The following GGA2 variants were observed in gnomAD, a reference collection of about 807,000 sequenced individuals.
GGA2 encodes ADP-ribosylation factor-binding protein GGA2.
A neutral mutation model predicts 79.5 loss-of-function variants in GGA2; 48 were observed. The observed-to-expected ratio is 0.60, with a 90% CI of 0.48 to 0.77. GGA2 has a LOEUF of 0.77. Ranked by LOEUF, GGA2 falls within the 30% of genes least tolerant of loss-of-function variation. The probability of loss-of-function intolerance (pLI) is 0.00; values close to 1 mark genes in which losing one functional copy is unlikely to be tolerated. For missense variants in GGA2, 770 were observed against 774.0 expected (o/e 0.99, Z 0.06); for synonymous variants, 317 against 302.0 (o/e 1.05, Z -0.51).
At position 23,486,099 on chromosome 16, in the gene GGA2, C is replaced by A; in HGVS notation, c.714G>T (p.Val238=). Residue 238 remains valine (V), a synonymous_variant, in exon 8 of 17, where the codon GTG becomes GTT. Coordinates refer to ENST00000309859, the MANE Select transcript of GGA2 (RefSeq NM_015044.4). ...CCTGCAGCACCTTCACATGGCTTCG[C>A]ACTTCCTCCACCGCACTGACCCTCT... ...VSKRVSAVEE[V]RSHVKVLQEM... is the part of the protein sequence containing the mutation. The A allele has an allele frequency of 6.2e-7, 1 of 1,613,874 alleles. No homozygotes were observed. Among genetic ancestry groups the A allele is most frequent in the Non-Finnish European group, 8.5e-7 (1 of 1,179,716 alleles).
intron 11 of GGA2, 53 bp from the exon 12 acceptor site, chr16:23,478,964 G>A (rs778143675): frequency 3.4e-5 from 42 of 1,246,100 alleles, no homozygotes; most frequent in Non-Finnish European, 4.5e-5. Flanking sequence ...CCTGCTTCCA[G>A]ATGAAGAGTA....
chr16:23,519,759 C>A, intron 1 of GGA2: 1 of 220,276 alleles, frequency 4.5e-6, no homozygotes, highest in South Asian at 3.8e-5. Context: ...AGATTCCATT[C>A]TTTTGTGAGG....
rs1964409530 is a variant in GGA2, at chr16:23,464,481, C to G, written c.*3109G>C. 6.6e-6 allele frequency: 1 copy of G among 151,482 alleles called. No individual in the cohort carries two copies. The highest frequency in any genetic ancestry group is 6.6e-5 in the Admixed American group (1 of 15,194). The allele number at this position is 151,482 out of a possible 1,614,324, so 9.4% of individuals were successfully genotyped here. ...AGAATTTTTCACCCTGTCAGATGCT[C>G]AGATTTGCTAGAGAACTCTGGTAGT... On this transcript the variant is annotated 3_prime_UTR_variant, in exon 17 of 17. Transcript: ENST00000309859.
chr16:23,502,561 G>A (rs1964932055), intron 1 of GGA2, among the ~76,000 whole-genome samples: 1 of 152,204 alleles, frequency 6.6e-6, no homozygotes, highest in Admixed American at 6.5e-5. Context: ...CTAACACAGG[G>A]ACACACTGCA....
rs1596971181 is a variant in GGA2 at position 23,465,542 on chromosome 16, T to C, written c.*2048A>G. ...CTATAGGGGAGAAAGCCTGTCTTTATGTATAAGTCTCATTCACCCATTTTG... is the reference window on the plus strand; with the variant it reads ...CTATAGGGGAGAAAGCCTGTCTTTACGTATAAGTCTCATTCACCCATTTTG... On this transcript the variant is annotated 3_prime_UTR_variant, in exon 17 of 17. Coordinates refer to ENST00000309859, the MANE Select transcript of GGA2 (RefSeq NM_015044.4). 1.6e-6 allele frequency: 1 copy of C among 631,648 alleles called. No individual in the cohort carries two copies. The highest frequency in any genetic ancestry group is 2.8e-6 in the Non-Finnish European group (1 of 351,322). The allele number at this position is 631,648 out of a possible 1,614,324, so 39.1% of individuals were successfully genotyped here.
chr16:23,499,925 G>A (rs1370525489), intron 1 of GGA2, among the ~76,000 whole-genome samples: 1 of 152,194 alleles, frequency 6.6e-6, no homozygotes, highest in Middle Eastern at 3.2e-3. Flanking sequence ...CCCGCATCAC[G>A]ATGGGAACAG....
At chr16:23,484,593 T>C (rs1964689764) in intron 8 of GGA2, among the ~76,000 whole-genome samples, 1 of 152,198 alleles carries the variant, frequency 6.6e-6, no homozygotes, top group Non-Finnish European at 1.5e-5. Context: ...TGCACAGACA[T>C]GTCTTCTAAG....
chr16:23,493,437 G>T lies in GGA2; in HGVS notation c.274C>A (p.His92Asn). The change falls in exon 4 of 17, where the codon CAC becomes AAC. Residue 92 changes from histidine (H) to asparagine (N), a missense_variant. Coordinates refer to ENST00000309859, the MANE Select transcript of GGA2 (RefSeq NM_015044.4). ...TCGCTGTGGAACTTCTCCCCACAGTGGTTCATGCACATCTCCAGCACCTGC... is the reference window on the plus strand; with the variant it reads ...TCGCTGTGGAACTTCTCCCCACAGTTGTTCATGCACATCTCCAGCACCTGC... ...ALTVLEMCMN[H>N]CGEKFHSEVA... 1 of 1,611,178 alleles carries T rather than the reference G, an allele frequency of 6.2e-7. No homozygotes were observed. The highest frequency in any genetic ancestry group is 8.5e-7 in the Non-Finnish European group (1 of 1,177,404).
Position 23,510,458 on chromosome 16 carries a change from C to T in GGA2, c.-47G>A. Reference sequence around the variant, plus strand: ...GCCGCGGGCGCCACTGCCTCTTCAGCCGCTGTAGCGTCCTGGCGCTCTCCT... The same window carrying T: ...GCCGCGGGCGCCACTGCCTCTTCAGTCGCTGTAGCGTCCTGGCGCTCTCCT... On this transcript the variant is annotated 5_prime_UTR_variant, in exon 1 of 17. Transcript: ENST00000309859. 1 of 745,146 alleles carries T rather than the reference C, an allele frequency of 1.3e-6. No individual in the cohort carries two copies. 46.2% of individuals were successfully genotyped at this position (745,146 alleles called of 1,614,324 possible). A position where few individuals can be genotyped will look rare whatever the true frequency, so the allele number is the denominator to read the frequency against.
chr16:23,514,618 A>G (rs1965093032), upstream of GGA2, among the ~76,000 whole-genome samples: 1 of 151,880 alleles, frequency 6.6e-6, no homozygotes. Flanking sequence ...GCTCCCAGCT[A>G]ATTTATTTAG....
rs1596990973 is a variant in GGA2 at position 23,495,839 on chromosome 16, A to G, written c.92-61T>C. On this transcript the variant is annotated intron_variant, in intron 1 of 16. Transcript: ENST00000309859. ...TAGGAAGAAATTTACACCCCTCCCC[A>G]TACACATGGTGGCCAAGAGCTGTCT... The G allele has an allele frequency of 2.9e-6, 3 of 1,047,318 alleles. No individual in the cohort carries two copies. In the East Asian group the frequency reaches 7.3e-5, roughly 25 times the overall value. The allele number at this position is 1,047,318 out of a possible 1,614,324, so 64.9% of individuals were successfully genotyped here. A position where few individuals can be genotyped will look rare whatever the true frequency, so the allele number is the denominator to read the frequency against.
At chr16:23,498,897 C>T (rs1247226122) in intron 1 of GGA2, among the ~76,000 whole-genome samples, 1 of 152,168 alleles carries the variant, frequency 6.6e-6, no homozygotes, top group African/African-American at 2.4e-5. Flanking sequence ...AAAGTCTACA[C>T]CATTTAAGCT....
In GGA2 at chr16:23,478,624, TG is replaced by T. The variant is rs1353904444; in HGVS notation, c.1159-124del. 5 of 966,214 alleles carry T rather than the reference TG, an allele frequency of 5.2e-6. No individual in the cohort carries two copies. In the South Asian group the frequency reaches 6.5e-5, roughly 13 times the overall value. The allele number at this position is 966,214 out of a possible 1,614,324, so 59.9% of individuals were successfully genotyped here. The stretch of plus-strand genomic sequence containing the variant: ...TGTGGCCCAGACTGGTGACATCTCT[TG>T]GGGCAAGAGGGGAAAGAAAGGGCAA... On this transcript the variant is annotated intron_variant, in intron 12 of 16. Coordinates refer to ENST00000309859, the MANE Select transcript of GGA2 (RefSeq NM_015044.4).
At chr16:23,509,740 A>C (rs966486271) in intron 1 of GGA2, among the ~76,000 whole-genome samples, 20 of 148,786 alleles carry the variant, frequency 1.3e-4, no homozygotes, top group Admixed American at 1.1e-3. Flanking sequence ...GAAAAAAAAA[A>C]CACACATATA....
chr16:23,486,685 C>T (rs757090518), intron 7 of GGA2, 25 bp downstream of exon 7: 8 of 1,378,480 alleles, frequency 5.8e-6, no homozygotes, highest in East Asian at 2.3e-5. Context: ...GCTACTTCTA[C>T]TGAACCAACT....
In GGA2 at chr16:23,470,063, A is replaced by G. The variant is rs1964490661; in HGVS notation, c.1553T>C (p.Leu518Pro). 1 of 1,610,252 alleles carries G rather than the reference A, an allele frequency of 6.2e-7. No homozygotes were observed. The highest frequency in any genetic ancestry group is 8.5e-7 in the Non-Finnish European group (1 of 1,178,332). ...APGHPEVQVLLLTMMSTAPQP... is the reference protein window; with the variant it reads ...APGHPEVQVLPLTMMSTAPQP... ...GGGAGCCGTGCTCATCATGGTCAAG[A>G]GCAGCACCTGTACCTCTGGGTGCCC... The change falls in exon 15 of 17, where the codon CTC becomes CCC. Residue 518 changes from leucine (L) to proline (P), a missense_variant. By Grantham distance (98) the Leu-to-Pro change is moderately conservative. Transcript: ENST00000309859.
At chr16:23,521,889 T>C in exon 1 of GGA2, 1 of 455,842 alleles carries the variant, frequency 2.2e-6, no homozygotes, top group South Asian at 1.5e-5. Context: ...GCTTGGACTC[T>C]GGATCGGCAC....
chr16:23,517,231 CTT>C (rs539732372), intron 2 of GGA2, among the ~76,000 whole-genome samples: 1 of 39,630 alleles, frequency 2.5e-5, no homozygotes, highest in East Asian at 4.4e-4. Context: ...TAATTTTTTT[CTT>C]TTTTTTTTTT....
At chr16:23,473,243 A>G (rs930431072) in intron 14 of GGA2, among the ~76,000 whole-genome samples, 2 of 150,154 alleles carry the variant, frequency 1.3e-5, no homozygotes, top group East Asian at 2.0e-4. Flanking sequence ...ATATATATGT[A>G]TATGATAAGA....
Sources: allele counts gnomAD v4.1 joint callset (sites outside exome capture counted in the v4.1 genomes callset), GRCh38; gene constraint gnomAD v4.1.1; transcripts MANE v1.5; gene names NCBI Gene and HGNC (gene_info 2026-07-23, HGNC 2026-07-21).